The following MATN2 variants were observed in gnomAD, a reference collection of about 807,000 sequenced individuals.
MATN2 encodes matrilin 2.
MATN2 carries 69 observed loss-of-function variants against 103.2 expected under a neutral mutation model. The ratio of observed to expected loss-of-function variants is 0.67; its 90% CI spans 0.55 to 0.82. MATN2 has a LOEUF of 0.82. Among genes scored for constraint, MATN2 ranks in the 40% least tolerant of loss-of-function variants. The pLI is 0.00. For synonymous variants in MATN2, 429 were observed against 450.2 expected (o/e 0.95, Z 0.60); for missense variants, 1,023 against 1,211.5 (o/e 0.84, Z 2.31).
chr8:97,995,525 T>C (rs1812554792), intron 7 of MATN2, among the ~76,000 whole-genome samples: 1 of 152,246 alleles, frequency 6.6e-6, no homozygotes, highest in African/African-American at 2.4e-5. Flanking sequence ...GACAATGTCA[T>C]TCGTAGAACT....
chr8:98,033,275 G>C (rs1394793483), intron 17 of MATN2, 99 bp downstream of exon 17: 4 of 1,088,214 alleles, frequency 3.7e-6, no homozygotes, highest in Non-Finnish European at 3.8e-6. Context: ...AAGGAAGTAG[G>C]AAATAGTATA....
chr8:97,899,174 T>C (rs1818906829), intron 2 of MATN2, among the ~76,000 whole-genome samples: 1 of 152,276 alleles, frequency 6.6e-6, no homozygotes, highest in East Asian at 1.9e-4. Context: ...ATACCCCAAC[T>C]ATTGCATTCC....
intron 2 of MATN2, among the ~76,000 whole-genome samples, chr8:97,892,974 G>A (rs769456852): frequency 5.9e-5 from 9 of 152,168 alleles, no homozygotes; most frequent in Non-Finnish European, 1.3e-4. Context: ...CGCTGGGTCT[G>A]CCAGACAGGT....
At chr8:98,024,321 A>G (rs183982143) in intron 13 of MATN2, among the ~76,000 whole-genome samples, 7 of 152,302 alleles carry the variant, frequency 4.6e-5, no homozygotes, top group Non-Finnish European at 8.8e-5. Flanking sequence ...CCTGGCCAAC[A>G]TGGAGAAACC....
In MATN2 at chr8:98,007,642, C is replaced by T. The variant is rs370352436; in HGVS notation, c.1573+41C>T. ...ACAAGCAGGACCTGCACAGGTGTTC[C>T]GTGGGTGCCGGTGTGGGTGCGCTGC... On this transcript the variant is annotated intron_variant, in intron 10 of 18. Transcript: ENST00000254898. This position sits in a 1 kb window ranked among gnomAD's most constrained non-coding sequence, Gnocchi z 4.2. 1.2e-4 allele frequency: 193 copies of T among 1,583,250 alleles called. No individual in the cohort carries two copies. The African/African-American group carries it at 1.9e-3, about 16-fold the overall frequency.
intron 5 of MATN2, among the ~76,000 whole-genome samples, chr8:97,968,240 G>A (rs1194830533): frequency 3.9e-5 from 6 of 152,228 alleles, no homozygotes; most frequent in African/African-American, 1.4e-4. Flanking sequence ...CCTTTGATGG[G>A]GAGTGGGTGC....
chr8:97,991,713 C>T (rs894806433), intron 6 of MATN2, among the ~76,000 whole-genome samples: 1 of 148,858 alleles, frequency 6.7e-6, no homozygotes, highest in African/African-American at 2.5e-5. Context: ...CAGAGCGAGA[C>T]TCTATCTCAA....
chr8:97,881,464 C>T (rs897691022), intron 1 of MATN2, among the ~76,000 whole-genome samples: 5 of 152,212 alleles, frequency 3.3e-5, no homozygotes, highest in East Asian at 3.8e-4. Flanking sequence ...CTCTCTCTTC[C>T]CCCACCCCCT....
Position 97,954,922 on chromosome 8 carries a change from G to T in MATN2, c.836-6486G>T, listed in dbSNP as rs559969627. ...CTGAGGGAGGACTTCACCCCTAGTGGCAGGTCAGAGCTTCCTGAGAAAGCA... is the reference window on the plus strand; with the variant it reads ...CTGAGGGAGGACTTCACCCCTAGTGTCAGGTCAGAGCTTCCTGAGAAAGCA... On this transcript the variant is annotated intron_variant, in intron 4 of 18. Transcript: ENST00000254898. Among the ~76,000 whole-genome samples the T allele has an allele frequency of 2.2e-3, 339 of 152,338 alleles. 1 individual carries two copies. The highest frequency in any genetic ancestry group is 7.6e-3 in the African/African-American group (314 of 41,574).
rs376872979 is a variant in MATN2, at chr8:97,943,223, GA to G, written c.835+1325del. On this transcript the variant is annotated intron_variant, in intron 4 of 18. Coordinates refer to ENST00000254898, the MANE Select transcript of MATN2 (RefSeq NM_002380.5). ...AGCAAACAACCTAGAGATCTCTTTA[GA>G]CACCCCCCTCTAGACACCTCCACCT... Among the ~76,000 whole-genome samples, 40 of 152,092 alleles carry G rather than the reference GA, an allele frequency of 2.6e-4. No homozygotes were observed. The East Asian group carries it at 5.4e-3, about 21-fold the overall frequency.
In MATN2 at chr8:98,027,506, T is replaced by C; in HGVS notation, c.2033T>C (p.Val678Ala). Reference sequence around the variant, plus strand: ...AATTTTGAGGTCGTGAAGCAGTTTGTCACTGGAATTATAGATTCCTTGACA... The same window carrying C: ...AATTTTGAGGTCGTGAAGCAGTTTGCCACTGGAATTATAGATTCCTTGACA... ...EENFEVVKQF[V>A]TGIIDSLTIS... The change falls in exon 14 of 19, where the codon GTC becomes GCC. Residue 678 changes from valine (V) to alanine (A), a missense_variant. By Grantham distance (64) the Val-to-Ala change is moderately conservative. Transcript: ENST00000254898. 1 of 1,613,930 alleles carries C rather than the reference T, an allele frequency of 6.2e-7. No homozygotes were observed. Among genetic ancestry groups the C allele is most frequent in the Non-Finnish European group, 8.5e-7 (1 of 1,179,866 alleles).
intron 2 of MATN2, among the ~76,000 whole-genome samples, chr8:97,912,267 G>C (rs180987603): frequency 3.9e-5 from 6 of 152,240 alleles, no homozygotes. Context: ...TCATCTTAAT[G>C]ATCATCTACA....
chr8:97,987,131 A>G (rs13267416), intron 6 of MATN2, among the ~76,000 whole-genome samples: 41,599 of 151,874 alleles, frequency 0.27, 6,505 homozygotes, highest in African/African-American at 0.43. Flanking sequence ...GTGAGCCACC[A>G]CACCTGGCCT....
At chr8:97,975,080 T>C (rs1332648934) in intron 5 of MATN2, among the ~76,000 whole-genome samples, 2 of 152,216 alleles carry the variant, frequency 1.3e-5, no homozygotes, top group African/African-American at 2.4e-5. Flanking sequence ...CTAGAGCCCA[T>C]GTGTTCCACC....
chr8:97,886,078 G>C (rs939306765), intron 1 of MATN2, among the ~76,000 whole-genome samples: 4 of 152,024 alleles, frequency 2.6e-5, no homozygotes, highest in African/African-American at 9.7e-5. Flanking sequence ...ACAAATTAAG[G>C]CATTAGATTC....
intron 3 of MATN2, among the ~76,000 whole-genome samples, chr8:97,938,972 C>T (rs1342495184): frequency 1.3e-5 from 2 of 152,090 alleles, no homozygotes; most frequent in African/African-American, 4.8e-5. Context: ...CGGTTTCAAG[C>T]AATTCTCCCG....
At chr8:97,919,386 C>A (rs1367425955) in intron 2 of MATN2, among the ~76,000 whole-genome samples, 1 of 152,166 alleles carries the variant, frequency 6.6e-6, no homozygotes, top group Non-Finnish European at 1.5e-5. Context: ...GTGCCCGCCA[C>A]CAAGCCTGCT....
intron 10 of MATN2, among the ~76,000 whole-genome samples, chr8:98,008,222 CTT>C (rs1813038743): frequency 1.0e-5 from 1 of 100,298 alleles, no homozygotes; most frequent in African/African-American, 4.0e-5. Flanking sequence ...GGTCCCAAAT[CTT>C]GTCTCAATTA....
At chr8:97,879,073 T>C (rs1818169184) in intron 1 of MATN2, among the ~76,000 whole-genome samples, 2 of 152,308 alleles carry the variant, frequency 1.3e-5, no homozygotes, top group Admixed American at 1.3e-4. Flanking sequence ...CACAATTTGG[T>C]ACCTAGCACA....
Sources: gnomAD v4.1 joint callset for allele counts (sites outside exome capture counted in the v4.1 genomes callset) on GRCh38, gnomAD v4.1.1 for gene constraint, Gnocchi (gnomAD v3.1) non-coding constraint, MANE v1.5 for transcripts, NCBI Gene and HGNC (gene_info 2026-07-23, HGNC 2026-07-21) for gene names.